Variants in ANKRD44 observed in about 807,000 individuals in gnomAD.
ANKRD44 encodes ankyrin repeat domain 44.
ANKRD44 carries 35 observed loss-of-function variants against 116.0 expected under a neutral mutation model. That is an observed-to-expected ratio of 0.30 (90% confidence interval 0.23 to 0.40). The LOEUF is 0.40. Among genes scored for constraint, ANKRD44 ranks in the 10% least tolerant of loss-of-function variants. The probability of loss-of-function intolerance (pLI) is 1.00; values close to 1 mark genes in which losing one functional copy is unlikely to be tolerated. For synonymous variants in ANKRD44, 435 were observed against 461.8 expected (o/e 0.94, Z 0.74); for missense variants, 1,014 against 1,242.6 (o/e 0.82, Z 2.77).
intron 21 of ANKRD44, among the ~76,000 whole-genome samples, chr2:197,004,435 A>G (rs1456429853): frequency 2.6e-5 from 4 of 152,218 alleles, no homozygotes; most frequent in African/African-American, 9.6e-5. Context: ...AGGTGCTCCC[A>G]CAAGCATACG....
intron 9 of ANKRD44, among the ~76,000 whole-genome samples, chr2:197,103,873 C>T (rs1237548417): frequency 6.6e-6 from 1 of 152,020 alleles, no homozygotes; most frequent in African/African-American, 2.4e-5. Flanking sequence ...TGGTTGAGTT[C>T]CCGGTGTAGA....
intron 21 of ANKRD44, among the ~76,000 whole-genome samples, chr2:196,967,635 A>T (rs2075683612): frequency 6.6e-6 from 1 of 152,194 alleles, no homozygotes; most frequent in Non-Finnish European, 1.5e-5. Context: ...TAGTTCTTTA[A>T]AAAACTAACT....
intron 27 of ANKRD44, 107 bp from the exon 28 acceptor site, chr2:196,989,756 CT>C: frequency 2.6e-6 from 4 of 1,509,496 alleles, no homozygotes; most frequent in Non-Finnish European, 1.8e-6. Context: ...TCTGCTTTCA[CT>C]TTTTTTGTTC....
At chr2:197,033,647 G>T (rs1170064703) in intron 16 of ANKRD44, among the ~76,000 whole-genome samples, 6 of 138,756 alleles carry the variant, frequency 4.3e-5, no homozygotes, top group African/African-American at 1.6e-4. Context: ...GAAACAAAGA[G>T]AATTATGTGT....
chr2:197,083,846 T>C (rs1484326638), intron 13 of ANKRD44, among the ~76,000 whole-genome samples: 1 of 152,214 alleles, frequency 6.6e-6, no homozygotes, highest in Non-Finnish European at 1.5e-5. Context: ...TGAGGGGTGC[T>C]TAACCTGTAT....
chr2:196,983,804 C>T (rs1453734959), downstream of ANKRD44, among the ~76,000 whole-genome samples: 3 of 152,182 alleles, frequency 2.0e-5, no homozygotes, highest in Admixed American at 2.0e-4. Flanking sequence ...GTTGTCAGAG[C>T]TTGCCATGTG....
At chr2:197,047,014 A>G (rs1255447429) in intron 16 of ANKRD44, among the ~76,000 whole-genome samples, 1 of 126,502 alleles carries the variant, frequency 7.9e-6, no homozygotes, top group Non-Finnish European at 1.7e-5. Context: ...TAAATAAGGT[A>G]ACAGAATTAC....
At chr2:197,293,497 C>G (rs1167661470) in intron 1 of ANKRD44, among the ~76,000 whole-genome samples, 1 of 152,170 alleles carries the variant, frequency 6.6e-6, no homozygotes, top group Non-Finnish European at 1.5e-5. Flanking sequence ...AACATATCTG[C>G]ATTTACACAC....
chr2:197,197,508 A>G (rs17389141), intron 1 of ANKRD44, among the ~76,000 whole-genome samples: 33,735 of 152,148 alleles, frequency 0.22, 3,937 homozygotes, highest in Middle Eastern at 0.27. Context: ...TTTACTGAGC[A>G]TAAGAAATTC....
At chr2:196,970,586 C>A (rs191160621) in intron 21 of ANKRD44, among the ~76,000 whole-genome samples, 4 of 152,198 alleles carry the variant, frequency 2.6e-5, no homozygotes, top group Non-Finnish European at 5.9e-5. Flanking sequence ...GAATGATTGA[C>A]TTACCCACCC....
In ANKRD44 at chr2:197,034,594, G is replaced by A. The variant is rs563980140; in HGVS notation, c.1651-9327C>T. Among the ~76,000 whole-genome samples, 37 of 150,752 alleles carry A rather than the reference G, an allele frequency of 2.5e-4. No individual in the cohort carries two copies. The South Asian group carries it at 4.9e-3, about 20-fold the overall frequency. ...TGCCTTAATAATAAGGCCTTCATCC[G>A]GACTACCTAATCTTATTTTTTAAGC... On this transcript the variant is annotated intron_variant, in intron 16 of 27. Coordinates refer to ENST00000282272, the MANE Select transcript of ANKRD44 (RefSeq NM_001195144.2).
At chr2:196,991,891 C>T (rs2075924542) in intron 27 of ANKRD44, among the ~76,000 whole-genome samples, 1 of 152,134 alleles carries the variant, frequency 6.6e-6, no homozygotes, top group African/African-American at 2.4e-5. Flanking sequence ...CACACCTGGC[C>T]TAACAGAATA....
intron 1 of ANKRD44, among the ~76,000 whole-genome samples, chr2:197,230,514 G>A (rs894080669): frequency 6.6e-6 from 1 of 152,122 alleles, no homozygotes; most frequent in Non-Finnish European, 1.5e-5. Flanking sequence ...CTATGATGGG[G>A]TCTACCTAAG....
At chr2:197,068,011 C>T (rs2077471198) in intron 16 of ANKRD44, among the ~76,000 whole-genome samples, 1 of 148,204 alleles carries the variant, frequency 6.7e-6, no homozygotes, top group African/African-American at 2.5e-5. Context: ...CACATATACA[C>T]CATGGAATAC....
intron 2 of ANKRD44, among the ~76,000 whole-genome samples, chr2:197,172,525 A>G (rs2125547060): frequency 6.6e-6 from 1 of 152,252 alleles, no homozygotes; most frequent in East Asian, 1.9e-4. Flanking sequence ...CTTGGCTTAC[A>G]TGTCTGTCTC....
At chr2:197,237,904 A>C (rs1286175988) in intron 1 of ANKRD44, among the ~76,000 whole-genome samples, 1 of 152,174 alleles carries the variant, frequency 6.6e-6, no homozygotes, top group East Asian at 1.9e-4. Context: ...CACTCCTGAA[A>C]ATGCTGCAGC....
chr2:197,229,064 A>G (rs2081793516), intron 1 of ANKRD44, among the ~76,000 whole-genome samples: 2 of 152,212 alleles, frequency 1.3e-5, no homozygotes, highest in Admixed American at 1.3e-4. Context: ...GTTACCTGAA[A>G]TGTGGAGTTA....
rs371418842 is a variant in ANKRD44, at chr2:196,987,712, G to A, written c.*1879C>T. The A allele has an allele frequency of 9.9e-4, 980 of 985,356 alleles. 24 individuals are homozygous for A. In the South Asian group the frequency reaches 0.041, roughly 41 times the overall value. The allele number at this position is 985,356 out of a possible 1,614,324, so 61.0% of individuals were successfully genotyped here. ...CAATTTGGAGATAGTAATGTATTTAGCAAAGACAGGCAGACACTGGCAAAT... is the reference window on the plus strand; with the variant it reads ...CAATTTGGAGATAGTAATGTATTTAACAAAGACAGGCAGACACTGGCAAAT... On this transcript the variant is annotated 3_prime_UTR_variant, in exon 28 of 28. Coordinates refer to ENST00000282272, the MANE Select transcript of ANKRD44 (RefSeq NM_001195144.2).
At chr2:197,089,857 C>T in intron 11 of ANKRD44, 93 bp downstream of exon 11, 1 of 1,051,056 alleles carries the variant, frequency 9.5e-7, no homozygotes, top group Non-Finnish European at 1.4e-6. Context: ...TGACATGAAG[C>T]ACAGGCAGCC....
Sources: gnomAD v4.1 joint callset for allele counts (sites outside exome capture counted in the v4.1 genomes callset) on GRCh38, gnomAD v4.1.1 for gene constraint, MANE v1.5 for transcripts, NCBI Gene and HGNC (gene_info 2026-07-23, HGNC 2026-07-21) for gene names.